Variants in ARAF observed in about 807,000 individuals in gnomAD.
ARAF encodes the protein serine/threonine-protein kinase A-Raf.
A neutral mutation model predicts 48.0 loss-of-function variants in ARAF; 18 were observed. That is an observed-to-expected ratio of 0.37 (90% confidence interval 0.26 to 0.56). ARAF has a LOEUF of 0.56. Among genes scored for constraint, ARAF ranks in the 20% least tolerant of loss-of-function variants. The probability of loss-of-function intolerance (pLI) is 0.77; values close to 1 mark genes in which losing one functional copy is unlikely to be tolerated. For missense variants in ARAF, 389 were observed against 543.1 expected (o/e 0.72, Z 2.82); for synonymous variants, 207 against 220.1 (o/e 0.94, Z 0.53).
chrX:47,570,499 G>A (rs775128697), intron 14 of ARAF, among the ~76,000 whole-genome samples: 3 of 110,623 alleles, frequency 2.7e-5, no homozygotes, highest in African/African-American at 9.9e-5. Context: ...TGGGTATCTA[G>A]CAGGCCCCAG....
chrX:47,571,208 G>T, intron 15 of ARAF, 115 bp from the exon 16 acceptor site: 1 of 878,993 alleles, frequency 1.1e-6, no homozygotes, highest in Non-Finnish European at 1.5e-6. Flanking sequence ...GGCTGGGACT[G>T]TTGGGTGTGT....
chrX:47,562,619 C>T (rs2057714997), intron 1 of ARAF, among the ~76,000 whole-genome samples: 2 of 110,205 alleles, frequency 1.8e-5, no homozygotes, highest in African/African-American at 3.3e-5. Context: ...GTGTGCTCCT[C>T]TACCCTCCAA....
At chrX:47,569,714 G>A in intron 13 of ARAF, 57 bp downstream of exon 13, 2 of 1,139,397 alleles carry the variant, frequency 1.8e-6, no homozygotes, top group South Asian at 1.9e-5. Context: ...CGGGATTGGG[G>A]TGTGTGGGGC....
intron 6 of ARAF, chrX:47,565,849 T>G (rs1249263557): frequency 6.7e-6 from 1 of 148,365 alleles, no homozygotes; most frequent in Non-Finnish European, 1.1e-5. Context: ...AATATATATT[T>G]TATGATGTGC....
chrX:47,561,562 C>G (rs938426525), intron 1 of ARAF, among the ~76,000 whole-genome samples: 7 of 111,261 alleles, frequency 6.3e-5, no homozygotes, highest in African/African-American at 2.0e-4. Flanking sequence ...TCTTAACCCC[C>G]GCTAAGGTGT....
At position 47,566,762 on chromosome X, in the gene ARAF, G is replaced by A; in HGVS notation, c.681G>A (p.Met227Ile). The A allele has an allele frequency of 1.7e-6, 2 of 1,209,864 alleles. No individual in the cohort carries two copies. The highest frequency in any genetic ancestry group is 2.2e-6 in the Non-Finnish European group (2 of 894,395). The change falls in exon 7 of 16, where the codon ATG becomes ATA. Residue 227 changes from methionine to isoleucine, a missense_variant. Coordinates refer to ENST00000377045, the MANE Select transcript of ARAF (RefSeq NM_001654.5). ...ATATGGTCAGCACCACGGCCCCCATGGACTCCAACCTCATCCAGGTTGGTG... is the reference window on the plus strand; with the variant it reads ...ATATGGTCAGCACCACGGCCCCCATAGACTCCAACCTCATCCAGGTTGGTG... ...NVHMVSTTAPMDSNLIQLTGQ... is the reference protein window; with the variant it reads ...NVHMVSTTAPIDSNLIQLTGQ...
intron 6 of ARAF, chrX:47,565,860 A>G (rs898373672): frequency 2.7e-5 from 4 of 150,793 alleles, no homozygotes; most frequent in African/African-American, 1.3e-4. Context: ...TATGATGTGC[A>G]TATTTTATGG....
chrX:47,568,816 A>G lies in ARAF; in HGVS notation c.1175A>G (p.His392Arg), dbSNP rs1309073789. 6 of 1,210,599 alleles carry G rather than the reference A, an allele frequency of 5.0e-6. No individual in the cohort carries two copies. Among genetic ancestry groups the G allele is most frequent in the Non-Finnish European group, 4.5e-6 (4 of 895,141 alleles). The change falls in exon 11 of 16, where the codon CAT becomes CGT. Residue 392 changes from histidine (H) to arginine (R), a missense_variant. His to Arg is a conservative substitution (Grantham distance 29, BLOSUM62 0). This residue lies in a region of ARAF where 170 missense variants were observed against 281.4 expected (regional missense o/e 0.60). Transcript: ENST00000377045. ...TGGTGTGAGGGCTCCAGCCTCTACCATCACCTGCATGTGGCCGACACACGC... is the reference window on the plus strand; with the variant it reads ...TGGTGTGAGGGCTCCAGCCTCTACCGTCACCTGCATGTGGCCGACACACGC... ...TQWCEGSSLYHHLHVADTRFD... is the reference protein window; with the variant it reads ...TQWCEGSSLYRHLHVADTRFD...
chrX:47,566,200 T>C (rs1484876786), intron 6 of ARAF, among the ~76,000 whole-genome samples: 2 of 111,887 alleles, frequency 1.8e-5, no homozygotes, highest in African/African-American at 3.2e-5. Flanking sequence ...TATATAATTA[T>C]AAAATATGAT....
At chrX:47,564,020 C>G (rs1384533034) in intron 3 of ARAF, among the ~76,000 whole-genome samples, 2 of 112,183 alleles carry the variant, frequency 1.8e-5, no homozygotes, top group African/African-American at 3.2e-5. Context: ...TCACGCTACT[C>G]AGAATGCACG....
intron 12 of ARAF, among the ~76,000 whole-genome samples, 180 bp downstream of exon 12, chrX:47,569,213 G>A (rs1341654035): frequency 8.9e-6 from 1 of 112,009 alleles, no homozygotes; most frequent in Admixed American, 9.4e-5. Context: ...CAGAGGTGTG[G>A]CTGGTTCAGG....
Position 47,567,004 on chromosome X carries a change from G to T in ARAF, c.746G>T (p.Gly249Val). 8.3e-7 allele frequency: 1 copy of T among 1,211,764 alleles called. No individual in the cohort carries two copies. The highest frequency in any genetic ancestry group is 1.1e-6 in the Non-Finnish European group (1 of 895,464). ...FSTDAAGSRGGSDGTPRGSPS... is the reference protein window; with the variant it reads ...FSTDAAGSRGVSDGTPRGSPS... ...ACTGCAGCTGCCGGTAGTAGAGGAGGTAGTGATGGAACCCCCCGGGGGAGC... is the reference window on the plus strand; with the variant it reads ...ACTGCAGCTGCCGGTAGTAGAGGAGTTAGTGATGGAACCCCCCGGGGGAGC... Residue 249 changes from glycine to valine, a missense_variant, in exon 9 of 16, where the codon GGT becomes GTT. By Grantham distance (109) the Gly-to-Val change is moderately radical. This residue lies in a region of ARAF where 154 missense variants were observed against 133.6 expected (regional missense o/e 1.15). Coordinates refer to ENST00000377045, the MANE Select transcript of ARAF (RefSeq NM_001654.5).
chrX:47,564,845 CGAG>C lies in ARAF; in HGVS notation c.253_255del (p.Glu85del). On this transcript the variant is annotated inframe_deletion, in exon 4 of 16. Transcript: ENST00000377045. ...ACACAGCCATTGCTCCCCTGGATGG[CGAG>C]GAGCTCATTGTCGAGGTCCTTGAAG... 8.3e-7 allele frequency: 1 copy of C among 1,209,818 alleles called. No homozygotes were observed. The highest frequency in any genetic ancestry group is 1.1e-6 in the Non-Finnish European group (1 of 894,511).
intron 10 of ARAF, 33 bp from the exon 11 acceptor site, chrX:47,568,684 TC>T: frequency 8.3e-7 from 1 of 1,197,884 alleles, no homozygotes; most frequent in East Asian, 3.0e-5. Flanking sequence ...CTATTTTTCC[TC>T]CCCACCTCTG....
chrX:47,568,520 C>T (rs2057742448), intron 10 of ARAF, among the ~76,000 whole-genome samples, 198 bp from the exon 11 acceptor site: 1 of 110,738 alleles, frequency 9.0e-6, no homozygotes, highest in South Asian at 3.8e-4. Context: ...CATATGAGCC[C>T]ACAGCACAGA....
intron 3 of ARAF, among the ~76,000 whole-genome samples, chrX:47,563,677 T>C (rs1387955891): frequency 8.9e-6 from 1 of 112,620 alleles, no homozygotes; most frequent in Non-Finnish European, 1.9e-5. Context: ...TTTTTCCTTC[T>C]TCACAATTCC....
rs780121164 is a variant in ARAF, at chrX:47,569,015, C to T, written c.1282C>T (p.Arg428Ter). Residue 428 changes from arginine to a stop codon, truncating the protein, a stop_gained, in exon 12 of 16, where the codon CGA becomes TGA. Transcript: ENST00000377045. LOFTEE classifies it high-confidence loss of function. Reference sequence around the variant, plus strand: ...CCTCCATGCCAAGAACATCATCCACCGAGATCTCAAGTCTAACAGTATCTA... The same window carrying T: ...CCTCCATGCCAAGAACATCATCCACTGAGATCTCAAGTCTAACAGTATCTA... ...DYLHAKNIIH[R>*]DLKSNNIFLH... 1.7e-6 allele frequency: 2 copies of T among 1,202,439 alleles called. No homozygotes were observed. The highest frequency in any genetic ancestry group is 3.0e-5 in the East Asian group (1 of 33,562).
At chrX:47,561,316 A>G in intron 1 of ARAF, 65 bp downstream of exon 1, 1 of 112,218 alleles carries the variant, frequency 8.9e-6, no homozygotes, top group Non-Finnish European at 1.9e-5. Context: ...GGGAGCCCGG[A>G]CCGAAAGCTC....
At chrX:47,565,542 T>A in intron 6 of ARAF, 192 bp downstream of exon 6, 1 of 643,173 alleles carries the variant, frequency 1.6e-6, no homozygotes, top group Non-Finnish European at 2.2e-6. Context: ...TTCTCATCTG[T>A]AAAGAGGGGA....
Sources: gnomAD v4.1 joint callset for allele counts (sites outside exome capture counted in the v4.1 genomes callset) on GRCh38, gnomAD v4.1.1 for gene constraint, gnomAD v4.1.1 regional missense constraint, MANE v1.5 for transcripts, NCBI Gene and HGNC (gene_info 2026-07-23, HGNC 2026-07-21) for gene names.